The following CPED1 variants were observed in gnomAD, a reference collection of about 807,000 sequenced individuals.
The protein encoded by CPED1 is cadherin like and PC-esterase domain containing 1.
Under a neutral mutation model 128.2 loss-of-function variants are expected in CPED1, and 114 were observed. That is an observed-to-expected ratio of 0.89 (90% CI 0.76 to 1.04). CPED1 has a LOEUF of 1.04. CPED1 is among the 50% of genes least tolerant of loss of function. CPED1 has a pLI of 0.00. For synonymous variants in CPED1, 462 were observed against 426.7 expected (o/e 1.08, Z -1.02); for missense variants, 1,211 against 1,207.1 (o/e 1.00, Z -0.05).
At chr7:121,160,151 A>G (rs770067567) in intron 16 of CPED1, among the ~76,000 whole-genome samples, 1 of 152,088 alleles carries the variant, frequency 6.6e-6, no homozygotes, top group East Asian at 1.9e-4. Context: ...ATGGATATAT[A>G]GTAGGTGTAT....
At chr7:121,086,909 C>T (rs907108567) in intron 5 of CPED1, among the ~76,000 whole-genome samples, 23 of 152,190 alleles carry the variant, frequency 1.5e-4, no homozygotes, top group Admixed American at 3.3e-4. Flanking sequence ...TTTTGCTCTG[C>T]TACCAATGAC....
intron 2 of CPED1, 76 bp downstream of exon 2, chr7:120,989,946 T>C (rs1160003730): frequency 1.7e-5 from 27 of 1,548,764 alleles, no homozygotes; most frequent in Non-Finnish European, 2.3e-5. Context: ...TCTATAAAAC[T>C]AAAATTAACT....
Position 121,015,704 on chromosome 7 carries a change from C to T in CPED1, c.289C>T (p.Arg97Ter), listed in dbSNP as rs199512795. Residue 97 changes from arginine (R) to a stop codon, truncating the protein, a stop_gained, in exon 3 of 23, where the codon CGA becomes TGA. Coordinates refer to ENST00000310396, the MANE Select transcript of CPED1 (RefSeq NM_024913.5). LOFTEE classifies it high-confidence loss of function. Reference sequence around the variant, plus strand: ...GGAGACACACTTTGGCAGCCATGGCCGAAGGGCCATACTCTACAGGCCTCC... The same window carrying T: ...GGAGACACACTTTGGCAGCCATGGCTGAAGGGCCATACTCTACAGGCCTCC... ...SMETHFGSHGRRAILYRPPFY... is the reference protein window; with the variant it reads ...SMETHFGSHG 97 of 1,602,620 alleles carry T rather than the reference C, an allele frequency of 6.1e-5. No individual in the cohort carries two copies. Among genetic ancestry groups the T allele is most frequent in the South Asian group, 1.9e-4 (17 of 88,690 alleles).
At chr7:121,005,888 A>T (rs886508486) in intron 2 of CPED1, among the ~76,000 whole-genome samples, 4 of 152,204 alleles carry the variant, frequency 2.6e-5, no homozygotes, top group African/African-American at 7.2e-5. Flanking sequence ...GGAAGGTGTC[A>T]GTGCTCATTT....
At chr7:121,137,934 G>T (rs973142750) in intron 14 of CPED1, among the ~76,000 whole-genome samples, 3 of 152,064 alleles carry the variant, frequency 2.0e-5, no homozygotes, top group African/African-American at 7.2e-5. Context: ...TTTGTAAAAT[G>T]AAAGGATTGC....
Position 121,142,080 on chromosome 7 carries a change from A to G in CPED1, c.1994A>G (p.Tyr665Cys), listed in dbSNP as rs1795918805. The G allele has an allele frequency of 2.5e-6, 4 of 1,612,714 alleles. No homozygotes were observed. The highest frequency in any genetic ancestry group is 3.3e-5 in the Admixed American group (2 of 59,894). ...ETLITYKLTI[Y>C]REDRPSLPLF... is the part of the protein sequence containing the mutation. The stretch of plus-strand genomic sequence containing the variant: ...CTGATCACGTACAAACTCACCATCT[A>G]TAGAGAAGACCGCCCAAGTCTGCCC... Residue 665 changes from tyrosine (Y) to cysteine (C), a missense_variant, in exon 16 of 23, where the codon TAT becomes TGT. Transcript: ENST00000310396.
intron 20 of CPED1, 60 bp from the exon 21 acceptor site, chr7:121,267,155 A>G (rs1371548727): frequency 8.6e-6 from 8 of 933,898 alleles, no homozygotes; most frequent in Non-Finnish European, 1.3e-5. Flanking sequence ...TATATAAACA[A>G]CAAACATCTA....
rs1406630987 is a variant in CPED1, at chr7:121,124,456, A to G, written c.1044A>G (p.Gly348=). 1.3e-6 allele frequency: 2 copies of G among 1,532,802 alleles called. No homozygotes were observed. The highest frequency in any genetic ancestry group is 1.8e-6 in the Non-Finnish European group (2 of 1,140,322). The allele number at this position is 1,532,802 out of a possible 1,614,324, so 95.0% of individuals were successfully genotyped here. ...TATTCAGTGAAACATCTACTCTGGG[A>G]CCAAAGACCTTCCATAGGTAAAAAA... ...AEVFSETSTL[G]PKTFHRCRFC... is the part of the protein sequence containing the mutation. Residue 348 remains glycine (G), a synonymous_variant, in exon 8 of 23, where the codon GGA becomes GGG. Transcript: ENST00000310396.
At chr7:121,249,278 C>T (rs1798613020) in intron 18 of CPED1, among the ~76,000 whole-genome samples, 1 of 152,036 alleles carries the variant, frequency 6.6e-6, no homozygotes, top group Non-Finnish European at 1.5e-5. Flanking sequence ...GAAAATTTCC[C>T]TAATCTCATG....
At chr7:121,122,305 T>A (rs1473409235) in intron 7 of CPED1, among the ~76,000 whole-genome samples, 2 of 152,098 alleles carry the variant, frequency 1.3e-5, no homozygotes, top group Non-Finnish European at 2.9e-5. Context: ...CATTCCCAGC[T>A]AATTTTTGTA....
chr7:121,288,243 T>A (rs1792624948), intron 22 of CPED1, among the ~76,000 whole-genome samples: 1 of 152,210 alleles, frequency 6.6e-6, no homozygotes, highest in Non-Finnish European at 1.5e-5. Flanking sequence ...AGGATGATAA[T>A]GACTTAACAA....
chr7:121,029,401 T>C (rs1240000363), intron 3 of CPED1, among the ~76,000 whole-genome samples: 1 of 152,212 alleles, frequency 6.6e-6, no homozygotes, highest in Non-Finnish European at 1.5e-5. Flanking sequence ...TTACCTGTTG[T>C]TCTATGGAAG....
intron 12 of CPED1, among the ~76,000 whole-genome samples, chr7:121,132,171 A>C (rs1795686186): frequency 6.6e-6 from 1 of 152,076 alleles, no homozygotes; most frequent in African/African-American, 2.4e-5. Flanking sequence ...TATTGCAATG[A>C]GGATGCATGT....
At chr7:121,126,405 A>G (rs952645421) in intron 9 of CPED1, among the ~76,000 whole-genome samples, 1 of 152,062 alleles carries the variant, frequency 6.6e-6, no homozygotes, top group South Asian at 2.1e-4. Flanking sequence ...CAAATTAAAT[A>G]TACTCATTCA....
In CPED1 at chr7:121,047,700, CTTCTTCTTCTTCTTCTTT is replaced by C. The variant is rs1793244455; in HGVS notation, c.540+710_540+727del. On this transcript the variant is annotated intron_variant, in intron 4 of 22. Transcript: ENST00000310396. ...TCTTCTTCTTCTTCTTCTTCTTCTTCTTCTTCTTCTTCTTCTTTTTTTTTTTTTGAGACGTAATCTTGC... is the reference window on the plus strand; with the variant it reads ...TCTTCTTCTTCTTCTTCTTCTTCTTCTTTTTTTTTTGAGACGTAATCTTGC... Among the ~76,000 whole-genome samples the C allele has an allele frequency of 3.0e-4, 12 of 39,416 alleles. 1 individual carries two copies. Among genetic ancestry groups the C allele is most frequent in the African/African-American group, 3.7e-4 (4 of 10,740 alleles). 25.9% of individuals were successfully genotyped at this position (39,416 alleles called of 152,430 possible).
chr7:121,117,232 C>G (rs192068337), intron 7 of CPED1, among the ~76,000 whole-genome samples: 1 of 151,258 alleles, frequency 6.6e-6, no homozygotes, highest in Non-Finnish European at 1.5e-5. Flanking sequence ...TCCCGAGTAG[C>G]TGGGATTACA....
At chr7:121,066,198 G>A (rs984450553) in intron 5 of CPED1, among the ~76,000 whole-genome samples, 2 of 152,022 alleles carry the variant, frequency 1.3e-5, no homozygotes, top group Non-Finnish European at 2.9e-5. Flanking sequence ...TATATCAAAA[G>A]GCAAAATGTC....
chr7:121,214,693 G>A (rs576609363), intron 16 of CPED1, among the ~76,000 whole-genome samples: 3 of 151,996 alleles, frequency 2.0e-5, no homozygotes, highest in Non-Finnish European at 4.4e-5. Flanking sequence ...TGCTTCATAG[G>A]TTTCTAATTT....
Position 121,296,668 on chromosome 7 carries a change from C to CTTT in CPED1, c.*1016_*1017insTTT, listed in dbSNP as rs779688729. 1.4e-4 allele frequency: 22 copies of CTTT among 151,918 alleles called. No homozygotes were observed. The highest frequency in any genetic ancestry group is 2.5e-4 in the Non-Finnish European group (17 of 67,924). The allele number at this position is 151,918 out of a possible 1,614,324, so 9.4% of individuals were successfully genotyped here. A position where few individuals can be genotyped will look rare whatever the true frequency, so the allele number is the denominator to read the frequency against. ...GTATCAAATCCAAATTTAGATTAGA[C>CTTT]AAAAAATTATTATTTTAATTAAACT... On this transcript the variant is annotated 3_prime_UTR_variant, in exon 23 of 23. Transcript: ENST00000310396.
Sources: gnomAD v4.1 joint callset for allele counts (sites outside exome capture counted in the v4.1 genomes callset) on GRCh38, gnomAD v4.1.1 for gene constraint, MANE v1.5 for transcripts, NCBI Gene and HGNC (gene_info 2026-07-23, HGNC 2026-07-21) for gene names.